Variants in FOCAD observed in about 807,000 individuals in gnomAD.
FOCAD encodes the protein KIAA1797.
Under a neutral mutation model 225.6 loss-of-function variants are expected in FOCAD, and 198 were observed. The observed-to-expected ratio is 0.88, with a 90% CI of 0.78 to 0.99. The LOEUF (loss-of-function observed/expected upper bound fraction) is 0.99, where lower values mean the gene tolerates loss of function less well. Ranked by LOEUF, FOCAD falls within the 50% of genes least tolerant of loss-of-function variation. The pLI, the probability that FOCAD is intolerant of heterozygous loss-of-function variation, is 0.00. For synonymous variants in FOCAD, 897 were observed against 755.0 expected (o/e 1.19, Z -3.08); for missense variants, 2,713 against 2,123.6 (o/e 1.28, Z -5.46).
At chr9:20,961,232 T>C (rs1339951522) in intron 35 of FOCAD, among the ~76,000 whole-genome samples, 1 of 151,966 alleles carries the variant, frequency 6.6e-6, no homozygotes, top group East Asian at 1.9e-4. Flanking sequence ...TGTGTTAGTG[T>C]AGACTCGTAA....
intron 1 of FOCAD, among the ~76,000 whole-genome samples, chr9:20,703,943 C>A (rs148924236): frequency 1.3e-5 from 2 of 152,332 alleles, no homozygotes; most frequent in Non-Finnish European, 2.9e-5. Flanking sequence ...TTCCCTCCTC[C>A]CTTTAGCCCC....
intron 11 of FOCAD, among the ~76,000 whole-genome samples, chr9:20,804,356 C>G (rs1342896224): frequency 6.6e-6 from 1 of 151,910 alleles, no homozygotes; most frequent in Non-Finnish European, 1.5e-5. Flanking sequence ...TTTTTGGTGC[C>G]TGTTTTAAAG....
intron 4 of FOCAD, 44 bp downstream of exon 4, chr9:20,720,578 T>C (rs989615936): frequency 1.3e-6 from 2 of 1,587,222 alleles, no homozygotes; most frequent in African/African-American, 2.7e-5. Context: ...TTTAAGTTTT[T>C]AGGAAAAAAA....
At position 20,894,671 on chromosome 9, in the gene FOCAD, G is replaced by T. The variant is rs549481298; in HGVS notation, c.2625+9441G>T. On this transcript the variant is annotated intron_variant, in intron 21 of 43. Coordinates refer to ENST00000338382, the MANE Select transcript of FOCAD (RefSeq NM_001375567.1). ...ATTTCTTTGGCCCATTTTAAAATCTGGTTGTTAGGTTTTTCATAGTTGAGT... is the reference window on the plus strand; with the variant it reads ...ATTTCTTTGGCCCATTTTAAAATCTTGTTGTTAGGTTTTTCATAGTTGAGT... 4.6e-5 allele frequency among the ~76,000 whole-genome samples: 7 copies of T among 152,078 alleles called. No homozygotes were observed. The South Asian group carries it at 8.3e-4, about 18-fold the overall frequency.
chr9:20,758,374 T>C (rs1829254941), intron 6 of FOCAD, among the ~76,000 whole-genome samples, 183 bp downstream of exon 6: 1 of 152,026 alleles, frequency 6.6e-6, no homozygotes, highest in Admixed American at 6.6e-5. Context: ...TTAATTTTAT[T>C]ATTATTATAC....
At chr9:20,752,340 G>A (rs1828635978) in intron 5 of FOCAD, among the ~76,000 whole-genome samples, 1 of 150,974 alleles carries the variant, frequency 6.6e-6, no homozygotes, top group South Asian at 2.1e-4. Flanking sequence ...TTTGTATAAG[G>A]TGTAAGGAAG....
rs761659661 is a variant in FOCAD, at chr9:20,929,385, A to G, written c.3106A>G (p.Ser1036Gly). ...YKSYSGENTA[S>G]AIARSAAATA... is the part of the protein sequence containing the mutation. The stretch of plus-strand genomic sequence containing the variant: ...GTCCTATTCTGGTGAAAACACAGCT[A>G]GTGCCATTGCCCGTTCTGCTGCCGC... The change falls in exon 27 of 44, where the codon AGT becomes GGT. Residue 1036 changes from serine (S) to glycine (G), a missense_variant. Coordinates refer to ENST00000338382, the MANE Select transcript of FOCAD (RefSeq NM_001375567.1). 1.9e-6 allele frequency: 3 copies of G among 1,614,084 alleles called. No homozygotes were observed. The Admixed American group carries it at 5.0e-5, about 27-fold the overall frequency.
At chr9:20,929,162 A>G (rs901335253) in intron 26 of FOCAD, 196 bp from the exon 27 acceptor site, 15 of 532,856 alleles carry the variant, frequency 2.8e-5, no homozygotes, top group Non-Finnish European at 4.3e-5. Context: ...TTAATTATTT[A>G]GTAGCAAAAC....
At chr9:20,661,729 A>C (rs1211961196) in intron 2 of FOCAD, among the ~76,000 whole-genome samples, 1 of 152,234 alleles carries the variant, frequency 6.6e-6, no homozygotes, top group African/African-American at 2.4e-5. Context: ...TGCAAGCCCT[A>C]TGGAAGTTAA....
chr9:20,923,871 G>A (rs1035342558), intron 25 of FOCAD, 103 bp downstream of exon 25: 8 of 836,020 alleles, frequency 9.6e-6, no homozygotes, highest in Non-Finnish European at 1.6e-5. Context: ...TGTGATTATG[G>A]CACCAAGTTA....
chr9:20,801,278 A>T (rs542812404), intron 11 of FOCAD, among the ~76,000 whole-genome samples: 1 of 152,290 alleles, frequency 6.6e-6, no homozygotes, highest in African/African-American at 2.4e-5. Flanking sequence ...TTTTATAATG[A>T]TTAAGTCAAA....
chr9:20,988,589 T>A (rs1841391363), intron 41 of FOCAD, among the ~76,000 whole-genome samples, 160 bp downstream of exon 41: 1 of 151,902 alleles, frequency 6.6e-6, no homozygotes, highest in Admixed American at 6.6e-5. Flanking sequence ...CGTTGCTGTT[T>A]GCAGCTTTTC....
intron 4 of FOCAD, among the ~76,000 whole-genome samples, chr9:20,725,256 A>G (rs1826099428): frequency 6.6e-6 from 1 of 152,132 alleles, no homozygotes; most frequent in African/African-American, 2.4e-5. Context: ...CCATTATTTA[A>G]ATTTCTACTT....
intron 40 of FOCAD, among the ~76,000 whole-genome samples, chr9:20,987,670 G>A (rs1841310887): frequency 1.3e-5 from 2 of 152,094 alleles, no homozygotes; most frequent in African/African-American, 4.8e-5. Flanking sequence ...AAATCTAGTA[G>A]GTGTTTCAAA....
chr9:20,679,420 T>C (rs909120684), upstream of FOCAD, among the ~76,000 whole-genome samples: 6 of 152,172 alleles, frequency 3.9e-5, no homozygotes, highest in African/African-American at 1.4e-4. Context: ...CCAGCATGCT[T>C]GGGCCTGAGT....
intron 1 of FOCAD, among the ~76,000 whole-genome samples, chr9:20,703,437 G>A (rs370149442): frequency 3.1e-4 from 47 of 152,250 alleles, no homozygotes; most frequent in African/African-American, 1.1e-3. Flanking sequence ...TAGAGTTGCA[G>A]TGGGGAGCCA....
intron 2 of FOCAD, among the ~76,000 whole-genome samples, chr9:20,663,214 G>C (rs1428099529): frequency 6.6e-6 from 1 of 151,834 alleles, no homozygotes; most frequent in Non-Finnish European, 1.5e-5. Flanking sequence ...TAGTGAGACT[G>C]CCTCTACAAA....
chr9:20,702,045 C>T (rs759754335), intron 1 of FOCAD, among the ~76,000 whole-genome samples: 4 of 152,030 alleles, frequency 2.6e-5, no homozygotes, highest in Non-Finnish European at 5.9e-5. Flanking sequence ...GAGCAAAATG[C>T]TTTAATGGAT....
intron 2 of FOCAD, among the ~76,000 whole-genome samples, chr9:20,675,048 A>T (rs1476248303): frequency 6.6e-6 from 1 of 152,298 alleles, no homozygotes; most frequent in East Asian, 1.9e-4. Flanking sequence ...AGGGCAATTG[A>T]CTTCTTCCTT....
Sources: gnomAD v4.1 joint callset for allele counts (sites outside exome capture counted in the v4.1 genomes callset) on GRCh38, gnomAD v4.1.1 for gene constraint, MANE v1.5 for transcripts, NCBI Gene and HGNC (gene_info 2026-07-23, HGNC 2026-07-21) for gene names.